Variants in ZNF117 observed in about 807,000 individuals in gnomAD.
ZNF117 encodes the protein zinc finger protein 117.
A neutral mutation model predicts 41.2 loss-of-function variants in ZNF117; 37 were observed. The ratio of observed to expected loss-of-function variants is 0.90; its 90% CI spans 0.69 to 1.18. The LOEUF (loss-of-function observed/expected upper bound fraction) is 1.18. ZNF117 is among the 50% of genes most tolerant of loss of function. The pLI, the probability that ZNF117 is intolerant of heterozygous loss-of-function variation, is 0.00. For synonymous variants in ZNF117, 186 were observed against 186.6 expected, an observed-to-expected ratio of 1.00 and a Z score of 0.02; for missense variants, 546 against 557.5, an observed-to-expected ratio of 0.98 and a Z score of 0.21.
chr7:64,983,924 C>T (rs1409634107), upstream of ZNF117, among the ~76,000 whole-genome samples: 3 of 152,204 alleles, frequency 2.0e-5, no homozygotes, highest in African/African-American at 7.2e-5. Flanking sequence ...TAAGTTTGAT[C>T]AAGTCAGCCA....
chr7:64,975,327 A>C (rs1469516749), exon 3 of ZNF117: 1 of 151,186 alleles, frequency 6.6e-6, no homozygotes, highest in African/African-American at 2.4e-5. Context: ...TATACTACTA[A>C]TTTTAATTTA....
At chr7:64,972,939 C>A (rs1785805322), downstream of ZNF117, 1 of 151,978 alleles carries the variant, frequency 6.6e-6, no homozygotes. Flanking sequence ...ATGAAAGACA[C>A]TAAAAGGGCA....
chr7:64,977,980 A>AT (rs1785927232), exon 3 of ZNF117: 2 of 1,274,560 alleles, frequency 1.6e-6, no homozygotes, highest in Non-Finnish European at 1.1e-6. Flanking sequence ...CATTCATCAC[A>AT]TTTGTGTAAC....
At chr7:64,972,503 C>T (rs1785799295), downstream of ZNF117, 1 of 151,840 alleles carries the variant, frequency 6.6e-6, no homozygotes, top group Non-Finnish European at 1.5e-5. Context: ...CATGAATTAA[C>T]CTGGAGGACA....
At chr7:64,979,133 A>G in exon 3 of ZNF117, 3 of 1,610,682 alleles carry the variant, frequency 1.9e-6, no homozygotes, top group Non-Finnish European at 2.5e-6. Flanking sequence ...AGGACCAGTT[A>G]AAGGCTCTTC....
At chr7:64,987,828 GA>G (rs71061345) in intron 1 of ZNF117, among the ~76,000 whole-genome samples, 122,129 of 136,776 alleles carry the variant, frequency 0.89, 54,560 homozygotes, top group South Asian at 0.95. Context: ...CCACAAAAAG[GA>G]AAAAAAAAAA....
At chr7:64,981,393 G>A in exon 2 of ZNF117, 9 of 1,612,964 alleles carry the variant, frequency 5.6e-6, no homozygotes, top group Non-Finnish European at 7.6e-6. Context: ...TTACCTAAAT[G>A]TTTAGCTACC....
intron 2 of ZNF117, 98 bp from the exon 4 acceptor site, chr7:64,979,634 A>C (rs1158337659): frequency 4.3e-6 from 4 of 932,076 alleles, no homozygotes; most frequent in Non-Finnish European, 5.9e-6. Flanking sequence ...TACATAAGCA[A>C]GATGGCATAG....
chr7:64,991,015 T>A, exon 1 of ZNF117: 1 of 469,152 alleles, frequency 2.1e-6, no homozygotes, highest in Non-Finnish European at 3.8e-6. Flanking sequence ...CAGGGGTTAA[T>A]ACTTAGTTAG....
At chr7:64,976,972 A>C (rs201412540) in exon 3 of ZNF117, 16 of 534,684 alleles carry the variant, frequency 3.0e-5, no homozygotes, top group Non-Finnish European at 6.1e-5. Flanking sequence ...CATTCTTCAC[A>C]TTTGTAGGGT....
chr7:64,976,152 C>G (rs1001673289), exon 3 of ZNF117: 2 of 152,072 alleles, frequency 1.3e-5, no homozygotes, highest in African/African-American at 2.4e-5. Flanking sequence ...TCTTTAAAGG[C>G]TTATATTTGT....
exon 3 of ZNF117, chr7:64,975,294 TAAAAGTAC>T (rs1785858676): frequency 1.2e-4 from 3 of 24,596 alleles, no homozygotes; most frequent in African/African-American, 1.9e-4. Flanking sequence ...TTTTATTACA[TAAAAGTAC>T]AGTTAGTAAA....
chr7:64,978,211 A>G (rs1306501482), exon 3 of ZNF117: 2 of 1,613,056 alleles, frequency 1.2e-6, no homozygotes, highest in Non-Finnish European at 1.7e-6. Context: ...GATTGGTTAA[A>G]AGCTTTGCCA....
chr7:64,985,471 G>C (rs1208711232), upstream of ZNF117, among the ~76,000 whole-genome samples: 1 of 152,096 alleles, frequency 6.6e-6, no homozygotes, highest in African/African-American at 2.4e-5. Flanking sequence ...AAACAAATCT[G>C]TGTCTACCTT....
upstream of ZNF117, among the ~76,000 whole-genome samples, chr7:64,984,984 G>C (rs1208004501): frequency 6.6e-6 from 1 of 152,044 alleles, no homozygotes; most frequent in East Asian, 1.9e-4. Context: ...TAGAGATGGA[G>C]TTTTGCCATG....
At chr7:64,973,845 T>A (rs1230390516), downstream of ZNF117, 1 of 151,900 alleles carries the variant, frequency 6.6e-6, no homozygotes. Flanking sequence ...GGAAAAAAAA[T>A]GTTATCTGCA....
At chr7:64,981,576 T>C (rs1786034146) in intron 1 of ZNF117, 94 bp from the exon 3 acceptor site, 4 of 1,061,416 alleles carry the variant, frequency 3.8e-6, no homozygotes, top group African/African-American at 3.3e-5. Context: ...AATAGAATAT[T>C]CTAGTAAATT....
chr7:64,981,154 G>T, intron 2 of ZNF117: 1 of 526,192 alleles, frequency 1.9e-6, no homozygotes, highest in East Asian at 3.6e-5. Flanking sequence ...TGAAGAGGAT[G>T]TTGGCTTTCA....
upstream of ZNF117, among the ~76,000 whole-genome samples, chr7:64,982,694 A>G (rs907477788): frequency 2.0e-5 from 3 of 152,174 alleles, no homozygotes; most frequent in African/African-American, 7.2e-5. Flanking sequence ...GTAAAAAGGG[A>G]TGACAGCTTT....
Sources: gnomAD v4.1 joint callset for allele counts (sites outside exome capture counted in the v4.1 genomes callset) on GRCh38, gnomAD v4.1.1 for gene constraint, MANE v1.5 for transcripts, NCBI Gene and HGNC (gene_info 2026-07-23, HGNC 2026-07-21) for gene names.